The following FMO2 variants were observed in gnomAD, a reference collection of about 807,000 sequenced individuals.
The protein encoded by FMO2 is flavin containing dimethylaniline monoxygenase 2.
Under a neutral mutation model 41.6 loss-of-function variants are expected in FMO2, and 33 were observed. That is an observed-to-expected ratio of 0.79 (90% CI 0.60 to 1.06). FMO2 has a LOEUF of 1.06. Among genes scored for constraint, FMO2 ranks in the 50% least tolerant of loss-of-function variants. The pLI is 0.00. For missense variants in FMO2, 619 were observed against 632.9 expected, an observed-to-expected ratio of 0.98 and a Z score of 0.23; for synonymous variants, 214 against 219.6, an observed-to-expected ratio of 0.97 and a Z score of 0.23.
At chr1:171,190,825 C>T (rs1397163425) in intron 2 of FMO2, among the ~76,000 whole-genome samples, 2 of 152,166 alleles carry the variant, frequency 1.3e-5, no homozygotes, top group Non-Finnish European at 1.5e-5. Context: ...TTTTTAGCTG[C>T]TATTTACCAA....
intron 2 of FMO2, chr1:171,186,231 T>C (rs1413328962): frequency 6.5e-6 from 1 of 155,008 alleles, no homozygotes; most frequent in Non-Finnish European, 1.4e-5. Flanking sequence ...ACCATGCTCT[T>C]ATCATTACTA....
intron 2 of FMO2, among the ~76,000 whole-genome samples, chr1:171,188,588 G>GT (rs1657950051): frequency 2.0e-5 from 3 of 152,156 alleles, no homozygotes; most frequent in African/African-American, 7.2e-5. Context: ...GAGGGTTTTG[G>GT]TTACCAGGTG....
In FMO2 at chr1:171,204,064, AG is replaced by A. The variant is rs1246629143; in HGVS notation, c.827+1del. The A allele has an allele frequency of 6.2e-7, 1 of 1,612,750 alleles. No individual in the cohort carries two copies. Among genetic ancestry groups the A allele is most frequent in the South Asian group, 1.1e-5 (1 of 91,064 alleles). ...AATTATGGCCTTGAGCCTCAAAACA[AG>A]TAGAGTTATTTTGCTTTTTTAATGG... On this transcript the variant is annotated splice_donor_variant, in intron 6 of 8. Coordinates refer to ENST00000209929, the MANE Select transcript of FMO2 (RefSeq NM_001460.5). LOFTEE classifies it high-confidence loss of function.
At chr1:171,189,119 T>C (rs1012443937) in intron 2 of FMO2, among the ~76,000 whole-genome samples, 3 of 152,196 alleles carry the variant, frequency 2.0e-5, no homozygotes, top group African/African-American at 4.8e-5. Flanking sequence ...GAAGTATTGA[T>C]AGAGGAAAAC....
At chr1:171,186,347 C>T (rs1248494302) in intron 2 of FMO2, 1 of 152,890 alleles carries the variant, frequency 6.5e-6, no homozygotes, top group Non-Finnish European at 1.5e-5. Context: ...TAAATTTATT[C>T]TATTAATCAA....
intron 4 of FMO2, 125 bp from the exon 5 acceptor site, chr1:171,199,221 C>G (rs1658428034): frequency 3.2e-6 from 3 of 938,676 alleles, no homozygotes; most frequent in Non-Finnish European, 4.8e-6. Context: ...TGCTTTACTC[C>G]TATAGAGAAG....
intron 3 of FMO2, among the ~76,000 whole-genome samples, chr1:171,196,196 T>C (rs556298709): frequency 3.3e-4 from 51 of 152,324 alleles, no homozygotes; most frequent in African/African-American, 1.2e-3. Flanking sequence ...CAAAGGTTTT[T>C]AAATGGGGAA....
chr1:171,205,707 G>A (rs1242521207), intron 7 of FMO2, 73 bp downstream of exon 7: 3 of 1,049,838 alleles, frequency 2.9e-6, no homozygotes, highest in Non-Finnish European at 4.0e-6. Flanking sequence ...TAAGAAGGTT[G>A]CCTGAGATAA....
At chr1:171,191,706 T>C (rs1269568529) in intron 2 of FMO2, among the ~76,000 whole-genome samples, 1 of 151,848 alleles carries the variant, frequency 6.6e-6, no homozygotes, top group Non-Finnish European at 1.5e-5. Context: ...ACCCTCCTAT[T>C]TACTCTATAC....
At chr1:171,187,268 CA>C (rs1657890097) in intron 2 of FMO2, among the ~76,000 whole-genome samples, 1 of 152,160 alleles carries the variant, frequency 6.6e-6, no homozygotes, top group Non-Finnish European at 1.5e-5. Context: ...GATATTAAAA[CA>C]CATAAGAATA....
At chr1:171,206,059 T>C (rs1167539339) in intron 7 of FMO2, among the ~76,000 whole-genome samples, 2 of 152,186 alleles carry the variant, frequency 1.3e-5, no homozygotes, top group Non-Finnish European at 2.9e-5. Flanking sequence ...AGTTATAAAA[T>C]TATTAAAAGG....
intron 8 of FMO2, 68 bp downstream of exon 8, chr1:171,207,858 A>C: frequency 2.0e-6 from 2 of 1,013,960 alleles, no homozygotes; most frequent in Admixed American, 3.7e-5. Context: ...AACTACTTAC[A>C]AGAACCACCT....
intron 5 of FMO2, 66 bp downstream of exon 5, chr1:171,199,554 C>A: frequency 6.9e-7 from 1 of 1,459,758 alleles, no homozygotes. Context: ...CTGGAGAACC[C>A]CAGCCATATA....
chr1:171,194,417 G>T (rs1245211307), intron 3 of FMO2, among the ~76,000 whole-genome samples: 1 of 152,078 alleles, frequency 6.6e-6, no homozygotes, highest in East Asian at 1.9e-4. Context: ...TTTATCAATG[G>T]TCTATACTTT....
chr1:171,191,156 A>C (rs1401798645), intron 2 of FMO2, among the ~76,000 whole-genome samples: 2 of 152,096 alleles, frequency 1.3e-5, no homozygotes, highest in Non-Finnish European at 2.9e-5. Context: ...AAAAAAAAAA[A>C]AGGGATTATC....
At position 171,189,654 on chromosome 1, in the gene FMO2, C is replaced by CTTTT. The variant is rs199536748; in HGVS notation, c.133-3680_133-3677dup. On this transcript the variant is annotated intron_variant, in intron 2 of 8. Transcript: ENST00000209929. Reference sequence around the variant, plus strand: ...ACAGAAATCTGAGCCCGTCTTTTTTCTTTTCTTTTTTTTTTTTTTTTTGAG... The same window carrying CTTTT: ...ACAGAAATCTGAGCCCGTCTTTTTTCTTTTTTTTCTTTTTTTTTTTTTTTTTGAG... 6.2e-4 allele frequency among the ~76,000 whole-genome samples: 76 copies of CTTTT among 122,784 alleles called. 8 individuals carry two copies. The highest frequency in any genetic ancestry group is 1.3e-3 in the African/African-American group (39 of 30,170). 80.6% of individuals were successfully genotyped at this position (122,784 alleles called of 152,430 possible).
In FMO2 at chr1:171,210,530, A is replaced by C. The variant is rs1340418385; in HGVS notation, c.*1385A>C. On this transcript the variant is annotated 3_prime_UTR_variant, in exon 9 of 9. Coordinates refer to ENST00000209929, the MANE Select transcript of FMO2 (RefSeq NM_001460.5). Reference sequence around the variant, plus strand: ...AGACATTAAGCAACATAATAGACAAACATCTCCTAAGGGAACATTTGTTAC... The same window carrying C: ...AGACATTAAGCAACATAATAGACAACCATCTCCTAAGGGAACATTTGTTAC... 1 of 152,234 alleles carries C rather than the reference A, an allele frequency of 6.6e-6. No individual in the cohort carries two copies. The highest frequency in any genetic ancestry group is 1.5e-5 in the Non-Finnish European group (1 of 68,044). The allele number at this position is 152,234 out of a possible 1,614,324, so 9.4% of individuals were successfully genotyped here.
At chr1:171,188,154 T>C (rs150660490) in intron 2 of FMO2, among the ~76,000 whole-genome samples, 1 of 150,398 alleles carries the variant, frequency 6.6e-6, no homozygotes, top group Non-Finnish European at 1.5e-5. Flanking sequence ...TCCCCCAGTA[T>C]ACCAAAATCC....
intron 5 of FMO2, among the ~76,000 whole-genome samples, chr1:171,203,220 G>GAA (rs1658605410): frequency 6.6e-6 from 1 of 151,848 alleles, no homozygotes; most frequent in African/African-American, 2.4e-5. Context: ...GTACATGTCT[G>GAA]ATACTGAGGT....
Sources: allele counts gnomAD v4.1 joint callset (sites outside exome capture counted in the v4.1 genomes callset), GRCh38; gene constraint gnomAD v4.1.1; transcripts MANE v1.5; gene names NCBI Gene and HGNC (gene_info 2026-07-23, HGNC 2026-07-21).